CTDSPL2: variants seen among roughly 807,000 people sequenced by gnomAD.
The protein encoded by CTDSPL2 is CTD small phosphatase like 2, also known as CTD small phosphatase-like protein 2.
In CTDSPL2, 5 loss-of-function variants were observed where a neutral mutation model predicts 60.0. That is an observed-to-expected ratio of 0.08 (90% CI 0.04 to 0.18). CTDSPL2 has a LOEUF of 0.18. Among genes scored for constraint, CTDSPL2 ranks in the 10% least tolerant of loss-of-function variants. The pLI is 1.00. For missense variants in CTDSPL2, 370 were observed against 548.8 expected (o/e 0.67, Z 3.26); for synonymous variants, 186 against 189.3 (o/e 0.98, Z 0.14).
At chr15:44,451,757 T>A (rs1250173411) in intron 1 of CTDSPL2, among the ~76,000 whole-genome samples, 1 of 152,218 alleles carries the variant, frequency 6.6e-6, no homozygotes, top group African/African-American at 2.4e-5. Flanking sequence ...CAGAAAAAAA[T>A]CTATGAAATT....
chr15:44,443,155 G>T (rs1424940263), intron 1 of CTDSPL2, among the ~76,000 whole-genome samples: 1 of 152,128 alleles, frequency 6.6e-6, no homozygotes, highest in East Asian at 1.9e-4. Context: ...TCTACCATCT[G>T]TCTCCAGAAC....
intron 8 of CTDSPL2, among the ~76,000 whole-genome samples, chr15:44,513,240 C>T (rs1331628872): frequency 3.3e-5 from 5 of 152,002 alleles, no homozygotes; most frequent in African/African-American, 7.3e-5. Flanking sequence ...CCAAGACGGG[C>T]GGATCACCTG....
intron 10 of CTDSPL2, among the ~76,000 whole-genome samples, chr15:44,518,169 C>T: frequency 6.6e-6 from 1 of 152,076 alleles, no homozygotes; most frequent in East Asian, 1.9e-4. Context: ...ATTTAAAATA[C>T]AGGTCCAAAT....
intron 2 of CTDSPL2, among the ~76,000 whole-genome samples, chr15:44,473,614 T>C (rs1389469398): frequency 6.6e-6 from 1 of 152,186 alleles, no homozygotes; most frequent in Admixed American, 6.5e-5. Flanking sequence ...GATTTTCTTA[T>C]ATGAGTTTTA....
At chr15:44,484,733 C>G (rs1200841471) in intron 3 of CTDSPL2, among the ~76,000 whole-genome samples, 1 of 152,174 alleles carries the variant, frequency 6.6e-6, no homozygotes, top group Admixed American at 6.5e-5. Flanking sequence ...GAGTGAGACT[C>G]TGTCTCAAAA....
At chr15:44,438,890 T>C (rs1254361189) in intron 1 of CTDSPL2, among the ~76,000 whole-genome samples, 1 of 152,138 alleles carries the variant, frequency 6.6e-6, no homozygotes, top group African/African-American at 2.4e-5. Context: ...CAGTTTTGAA[T>C]TGCTGGGCAA....
chr15:44,431,149 C>T (rs1385001375), intron 1 of CTDSPL2, among the ~76,000 whole-genome samples: 4 of 148,054 alleles, frequency 2.7e-5, no homozygotes, highest in African/African-American at 5.0e-5. Flanking sequence ...TTAATGGAGA[C>T]GGGGTCTCGC....
rs983307327 is a variant in CTDSPL2 at position 44,459,077 on chromosome 15, C to T, written c.63C>T (p.Ala21=). 6.2e-7 allele frequency: 1 copy of T among 1,611,888 alleles called. No individual in the cohort carries two copies. Among genetic ancestry groups the T allele is most frequent in the African/African-American group, 1.3e-5 (1 of 74,808 alleles). ...ATCAAATCCAAACACAACGCACTGC[C>T]AGAGCAAAGAGGAAATATTCAGAGG... The part of the protein sequence containing the change: ...QSNQIQTQRT[A]RAKRKYSEVD... The change falls in exon 2 of 13, where the codon GCC becomes GCT. Residue 21 remains alanine, a synonymous_variant. Transcript: ENST00000260327.
At chr15:44,491,946 C>T (rs1454409997) in intron 5 of CTDSPL2, among the ~76,000 whole-genome samples, 1 of 152,072 alleles carries the variant, frequency 6.6e-6, no homozygotes, top group Non-Finnish European at 1.5e-5. Context: ...TCACTGCAAC[C>T]TCCACCTCCT....
chr15:44,449,673 G>A (rs2080294495), intron 1 of CTDSPL2, among the ~76,000 whole-genome samples: 1 of 152,048 alleles, frequency 6.6e-6, no homozygotes, highest in Non-Finnish European at 1.5e-5. Context: ...ACTCGTTTAA[G>A]GCGAAACACC....
Position 44,459,152 on chromosome 15 carries a change from C to T in CTDSPL2, c.138C>T (p.Thr46=), listed in dbSNP as rs78868451. 4.8e-3 allele frequency: 7,761 copies of T among 1,611,232 alleles called. 246 individuals are homozygous for T. The East Asian group carries it at 0.078, about 16-fold the overall frequency. ...GAGAAAAACCATCGAAGAATGAAAC[C>T]GGCTTGTTGTCTTCAATTAAAAAAT... is the stretch of plus-strand genomic sequence containing the variant. The part of the protein sequence containing the change: ...SGGEKPSKNE[T]GLLSSIKKFI... Residue 46 remains threonine, a synonymous_variant, in exon 2 of 13, where the codon ACC becomes ACT. Transcript: ENST00000260327.
intron 1 of CTDSPL2, chr15:44,448,461 G>A (rs1163493382): frequency 2.8e-5 from 7 of 248,312 alleles, no homozygotes; most frequent in East Asian, 1.1e-4. Context: ...TGTAGTCAGC[G>A]CTTGGGCCTC....
At chr15:44,459,697 C>G (rs149863670) in intron 2 of CTDSPL2, among the ~76,000 whole-genome samples, 15 of 152,260 alleles carry the variant, frequency 9.9e-5, no homozygotes, top group African/African-American at 3.4e-4. Flanking sequence ...ATCCACGTAG[C>G]CTTCTGCTTT....
chr15:44,521,947 A>AC (rs2081781110), intron 12 of CTDSPL2, among the ~76,000 whole-genome samples: 2 of 149,264 alleles, frequency 1.3e-5, no homozygotes, highest in South Asian at 2.1e-4. Flanking sequence ...CAAAAAAAAA[A>AC]AAAAAAAAAA....
intron 1 of CTDSPL2, among the ~76,000 whole-genome samples, chr15:44,434,333 G>A (rs1019301593): frequency 4.6e-5 from 7 of 152,186 alleles, no homozygotes; most frequent in African/African-American, 1.7e-4. Flanking sequence ...CTGGGAGGAG[G>A]AGGTTGCAGT....
At chr15:44,461,098 A>G (rs1278576264) in intron 2 of CTDSPL2, among the ~76,000 whole-genome samples, 2 of 152,198 alleles carry the variant, frequency 1.3e-5, no homozygotes, top group African/African-American at 2.4e-5. Context: ...TCCTTATATG[A>G]CATATGATAT....
chr15:44,486,725 T>G, intron 4 of CTDSPL2, 25 bp downstream of exon 4: 2 of 1,456,760 alleles, frequency 1.4e-6, no homozygotes, highest in Non-Finnish European at 1.8e-6. Flanking sequence ...TTAACTGTGA[T>G]TTGGATTTTT....
chr15:44,448,424 T>C (rs978571758), intron 1 of CTDSPL2: 2 of 243,062 alleles, frequency 8.2e-6, no homozygotes, highest in Non-Finnish European at 1.6e-5. Flanking sequence ...AGGCCTGGAC[T>C]CATGCATTCC....
At chr15:44,454,143 C>A (rs2080387436) in intron 1 of CTDSPL2, among the ~76,000 whole-genome samples, 3 of 152,138 alleles carry the variant, frequency 2.0e-5, no homozygotes, top group Admixed American at 2.0e-4. Context: ...ATGGTGGTAT[C>A]CCATTGTGGT....
Sources: gnomAD v4.1 joint callset for allele counts (sites outside exome capture counted in the v4.1 genomes callset) on GRCh38, gnomAD v4.1.1 for gene constraint, MANE v1.5 for transcripts, NCBI Gene and HGNC (gene_info 2026-07-23, HGNC 2026-07-21) for gene names.